The following KIAA1217 variants were observed in gnomAD, a reference collection of about 807,000 sequenced individuals.
KIAA1217 encodes the protein KIAA1217.
Under a neutral mutation model 163.9 loss-of-function variants are expected in KIAA1217, and 88 were observed. The observed-to-expected ratio is 0.54, with a 90% CI of 0.45 to 0.64. KIAA1217 has a LOEUF of 0.64. KIAA1217 is among the 30% of genes least tolerant of loss of function. The pLI, the probability that KIAA1217 is intolerant of heterozygous loss-of-function variation, is 0.00. For synonymous variants in KIAA1217, 903 were observed against 923.1 expected (o/e 0.98, Z 0.39); for missense variants, 2,372 against 2,475.0 (o/e 0.96, Z 0.88).
intron 3 of KIAA1217, among the ~76,000 whole-genome samples, chr10:24,403,400 T>G (rs1011660045): frequency 1.3e-5 from 2 of 152,014 alleles, no homozygotes; most frequent in African/African-American, 4.8e-5. Context: ...CACCACACCT[T>G]GCTAATTTTT....
At chr10:23,717,312 T>A (rs1158728933) in intron 1 of KIAA1217, among the ~76,000 whole-genome samples, 1 of 152,158 alleles carries the variant, frequency 6.6e-6, no homozygotes, top group African/African-American at 2.4e-5. Context: ...GCGGGACTTA[T>A]TAAAATGCAA....
At chr10:24,013,419 AG>A (rs1316769438) in intron 2 of KIAA1217, among the ~76,000 whole-genome samples, 1 of 152,090 alleles carries the variant, frequency 6.6e-6, no homozygotes, top group Admixed American at 6.6e-5. Context: ...CACATAAAAA[AG>A]GTTATGCATT....
At chr10:23,969,315 A>G (rs12268997) in intron 1 of KIAA1217, among the ~76,000 whole-genome samples, 64,734 of 152,172 alleles carry the variant, frequency 0.43, 17,054 homozygotes, top group African/African-American at 0.75. Context: ...GATTATAGGC[A>G]TGAGCCACCG....
At chr10:24,367,840 G>A (rs2051002137) in intron 2 of KIAA1217, among the ~76,000 whole-genome samples, 1 of 152,222 alleles carries the variant, frequency 6.6e-6, no homozygotes, top group Admixed American at 6.5e-5. Flanking sequence ...TACAAATGAG[G>A]TGATTGAGGC....
intron 1 of KIAA1217, among the ~76,000 whole-genome samples, chr10:23,778,124 T>C (rs1835087925): frequency 6.6e-6 from 1 of 152,048 alleles, no homozygotes; most frequent in South Asian, 2.1e-4. Context: ...GTATTTTTAG[T>C]AGAGACAAGT....
chr10:23,818,076 C>T (rs1420293918), intron 1 of KIAA1217, among the ~76,000 whole-genome samples: 1 of 129,364 alleles, frequency 7.7e-6, no homozygotes, highest in African/African-American at 3.2e-5. Context: ...TATATACACA[C>T]ACACATATAG....
rs1564420909 is a variant in KIAA1217, at chr10:23,789,938, T to TAC, written c.-321+94705_-321+94706insCA. Among the ~76,000 whole-genome samples, 11 of 129,890 alleles carry TAC rather than the reference T, an allele frequency of 8.5e-5. 1 individual carries two copies. The highest frequency in any genetic ancestry group is 6.9e-4 in the Admixed American group (9 of 12,994). 85.2% of individuals were successfully genotyped at this position (129,890 alleles called of 152,430 possible). Reference sequence around the variant, plus strand: ...ATGCATATACATGTATATATACACATATACATATACATGTATATATACACA... The same window carrying TAC: ...ATGCATATACATGTATATATACACATACATACATATACATGTATATATACACA... On this transcript the variant is annotated intron_variant, in intron 1 of 18. Transcript: ENST00000376462.
intron 3 of KIAA1217, among the ~76,000 whole-genome samples, chr10:24,406,420 C>CA (rs1554851657): frequency 6.6e-6 from 1 of 151,438 alleles, no homozygotes; most frequent in African/African-American, 2.4e-5. Context: ...CACACACACA[C>CA]CATACAGGAT....
intron 1 of KIAA1217, among the ~76,000 whole-genome samples, chr10:23,727,110 C>T (rs192080048): frequency 5.7e-4 from 87 of 151,386 alleles, no homozygotes; most frequent in Non-Finnish European, 1.0e-3. Flanking sequence ...GCCTCAGCCT[C>T]CTGAGTAGCT....
At chr10:24,379,127 T>TA (rs35860991) in intron 2 of KIAA1217, among the ~76,000 whole-genome samples, 76,212 of 151,316 alleles carry the variant, frequency 0.5, 21,173 homozygotes, top group African/African-American at 0.75. Flanking sequence ...CTACCTTCTT[T>TA]AAAAAAAAAT....
chr10:24,187,635 A>T (rs754314639), intron 2 of KIAA1217, among the ~76,000 whole-genome samples: 3 of 152,200 alleles, frequency 2.0e-5, no homozygotes, highest in Non-Finnish European at 2.9e-5. Context: ...TCACGCCTAT[A>T]ATCCCAGCAC....
Position 24,474,130 on chromosome 10 carries a change from G to C in KIAA1217, c.1679+70G>C, listed in dbSNP as rs972976917. On this transcript the variant is annotated intron_variant, in intron 6 of 20. Transcript: ENST00000376454. ...TGTCACTGTGGGCAGCTCTACAGGG[G>C]TCAAACCGACAGAATAAATGTCTGA... 2.7e-6 allele frequency: 3 copies of C among 1,132,042 alleles called. No individual in the cohort carries two copies. In the African/African-American group the frequency reaches 4.7e-5, roughly 18 times the overall value. 70.1% of individuals were successfully genotyped at this position (1,132,042 alleles called of 1,614,324 possible).
intron 3 of KIAA1217, among the ~76,000 whole-genome samples, chr10:24,388,858 C>A (rs1275380272): frequency 7.1e-6 from 1 of 140,534 alleles, no homozygotes; most frequent in Non-Finnish European, 1.5e-5. Context: ...CAATGAGATA[C>A]CATCTCACAC....
chr10:23,887,826 T>G (rs16924026), intron 1 of KIAA1217, among the ~76,000 whole-genome samples: 2,595 of 152,030 alleles, frequency 0.017, 43 homozygotes, highest in Admixed American at 0.049. Flanking sequence ...AACCTGAAAT[T>G]TTAAAACAAC....
chr10:23,803,763 G>A (rs1177604895), intron 1 of KIAA1217, among the ~76,000 whole-genome samples: 1 of 152,080 alleles, frequency 6.6e-6, no homozygotes, highest in African/African-American at 2.4e-5. Flanking sequence ...TTAGTGCCTA[G>A]GTCTTTTTTG....
chr10:24,473,958 G>A lies in KIAA1217; in HGVS notation c.1577G>A (p.Ser526Asn), dbSNP rs146656494. ...GTLVYIEKPR[S>N]AAGLSSLVDL... The stretch of plus-strand genomic sequence containing the variant: ...TTGGTGTATATAGAAAAGCCACGGA[G>A]CGCTGCAGGATTATCCAGCCTTGTA... The change falls in exon 6 of 21, where the codon AGC (serine) becomes AAC (asparagine). Residue 526 changes from serine (S) to asparagine (N), a missense_variant. Physicochemically the swap from Ser to Asn is conservative, Grantham distance 46. Transcript: ENST00000376454. 4 of 1,614,064 alleles carry A rather than the reference G, an allele frequency of 2.5e-6. No homozygotes were observed. The highest frequency in any genetic ancestry group is 3.4e-6 in the Non-Finnish European group (4 of 1,180,042).
intron 1 of KIAA1217, among the ~76,000 whole-genome samples, chr10:23,709,679 C>T (rs893018383): frequency 6.6e-6 from 1 of 152,180 alleles, no homozygotes; most frequent in Admixed American, 6.6e-5. Flanking sequence ...TGTGTTTATA[C>T]ACAATTATAT....
At chr10:23,979,437 G>C (rs574485188) in intron 1 of KIAA1217, among the ~76,000 whole-genome samples, 7 of 152,212 alleles carry the variant, frequency 4.6e-5, no homozygotes, top group Non-Finnish European at 1.0e-4. Context: ...CGCATTTTTC[G>C]TGTCTCCTTA....
chr10:24,524,241 C>A, intron 12 of KIAA1217, 82 bp from the exon 13 acceptor site: 1 of 1,445,162 alleles, frequency 6.9e-7, no homozygotes. Flanking sequence ...TCTCACCTGG[C>A]TTTGGGATGA....
Sources: allele counts gnomAD v4.1 joint callset (sites outside exome capture counted in the v4.1 genomes callset), GRCh38; gene constraint gnomAD v4.1.1; transcripts MANE v1.5; gene names NCBI Gene and HGNC (gene_info 2026-07-23, HGNC 2026-07-21).